The following ABCC12 variants were observed in gnomAD, a reference collection of about 807,000 sequenced individuals.
The protein encoded by ABCC12 is ATP binding cassette subfamily C member 12.
In ABCC12, 142 loss-of-function variants were observed where a neutral mutation model predicts 151.1. That is an observed-to-expected ratio of 0.94 (90% CI 0.82 to 1.08). The LOEUF is 1.08. ABCC12 is among the 50% of genes least tolerant of loss of function. The probability of loss-of-function intolerance (pLI) is 0.00; values close to 1 mark genes in which losing one functional copy is unlikely to be tolerated. For synonymous variants in ABCC12, 645 were observed against 646.4 expected, an observed-to-expected ratio of 1.00 and a Z score of 0.03; for missense variants, 1,638 against 1,691.1, an observed-to-expected ratio of 0.97 and a Z score of 0.55.
intron 20 of ABCC12, among the ~76,000 whole-genome samples, chr16:48,106,413 C>G (rs2150608705): frequency 6.6e-6 from 1 of 152,286 alleles, no homozygotes; most frequent in South Asian, 2.1e-4. Flanking sequence ...GTTCAGCCAC[C>G]ATGGCTGCAT....
intron 29 of ABCC12, among the ~76,000 whole-genome samples, chr16:48,084,473 C>T (rs1371357431): frequency 6.6e-6 from 1 of 152,244 alleles, no homozygotes; most frequent in Non-Finnish European, 1.5e-5. Context: ...AACTTAGAGA[C>T]TCAGTGTAAA....
At chr16:48,145,695 G>C (rs1964975358) in intron 3 of ABCC12, among the ~76,000 whole-genome samples, 2 of 152,246 alleles carry the variant, frequency 1.3e-5, no homozygotes. Flanking sequence ...GGGCTAGCCT[G>C]CTGGAGGTTG....
At chr16:48,088,776 T>C (rs1216392010) in intron 25 of ABCC12, 42 bp from the exon 26 acceptor site, 1 of 1,516,602 alleles carries the variant, frequency 6.6e-7, no homozygotes, top group Admixed American at 2.0e-5. Flanking sequence ...TAGCCATTTG[T>C]TTTTTCACTT....
intron 1 of ABCC12, among the ~76,000 whole-genome samples, 177 bp downstream of exon 1, chr16:48,155,664 C>T (rs1419361407): frequency 6.6e-6 from 1 of 152,202 alleles, no homozygotes; most frequent in Non-Finnish European, 1.5e-5. Context: ...CTGGGAGCCT[C>T]GTCCCTGCTG....
chr16:48,136,250 C>A (rs1268257248), intron 8 of ABCC12, among the ~76,000 whole-genome samples: 1 of 152,184 alleles, frequency 6.6e-6, no homozygotes, highest in Non-Finnish European at 1.5e-5. Flanking sequence ...ACCCTCTTAT[C>A]TCCACCTCCA....
chr16:48,129,419 G>C (rs563991683), intron 10 of ABCC12, among the ~76,000 whole-genome samples: 1 of 152,172 alleles, frequency 6.6e-6, no homozygotes, highest in Non-Finnish European at 1.5e-5. Context: ...GAGAATGACA[G>C]CATTCTACCT....
Position 48,124,214 on chromosome 16 carries a change from T to C in ABCC12, c.1586A>G (p.Gln529Arg). 1 of 1,614,030 alleles carries C rather than the reference T, an allele frequency of 6.2e-7. No individual in the cohort carries two copies. Among genetic ancestry groups the C allele is most frequent in the South Asian group, 1.1e-5 (1 of 91,090 alleles). ...CACAGCACTCATCACACAGCTTACC[T>C]GTCCTAGGAGAGCTGCAAGGAGGGA... Reference protein sequence around the residue: ...KSSLLAALLGQMQLQKGVVAV... With the variant: ...KSSLLAALLGRMQLQKGVVAV... Residue 529 changes from glutamine (Q) to arginine (R), a missense_variant and splice_region_variant, in exon 12 of 31, where the codon CAG (glutamine) becomes CGG (arginine). By Grantham distance (43) the Gln-to-Arg change is conservative (BLOSUM62 1). Transcript: ENST00000311303.
chr16:48,146,162 A>G, intron 3 of ABCC12, 144 bp downstream of exon 3: 1 of 720,040 alleles, frequency 1.4e-6, no homozygotes, highest in Non-Finnish European at 2.4e-6. Context: ...TGACTGATAA[A>G]TGAATGAACG....
chr16:48,107,751 C>T (rs1454113389), intron 19 of ABCC12, among the ~76,000 whole-genome samples: 1 of 152,212 alleles, frequency 6.6e-6, no homozygotes, highest in Non-Finnish European at 1.5e-5. Context: ...CCTGTAATCC[C>T]AGCACTTTGG....
chr16:48,084,205 C>T (rs1267952138), intron 29 of ABCC12, 132 bp from the exon 30 acceptor site: 3 of 917,000 alleles, frequency 3.3e-6, no homozygotes, highest in Non-Finnish European at 4.8e-6. Flanking sequence ...AGCTAAACAT[C>T]CATCTCAAAA....
chr16:48,142,097 C>G (rs893386067), intron 4 of ABCC12, among the ~76,000 whole-genome samples: 1 of 152,106 alleles, frequency 6.6e-6, no homozygotes, highest in Non-Finnish European at 1.5e-5. Flanking sequence ...GGTTCAAGGA[C>G]CGACCCCAGT....
Position 48,083,530 on chromosome 16 carries a change from G to T in ABCC12, c.*185C>A. On this transcript the variant is annotated 3_prime_UTR_variant, in exon 31 of 31. Transcript: ENST00000311303. ...GTTCACCACCCAGAACCAACCCCAA[G>T]CCCACCAAGTGGGGTGACATGGACT... The T allele has an allele frequency of 1.5e-6, 1 of 677,768 alleles. No homozygotes were observed. The highest frequency in any genetic ancestry group is 2.5e-6 in the Non-Finnish European group (1 of 399,090). 42.0% of individuals were successfully genotyped at this position (677,768 alleles called of 1,614,324 possible).
chr16:48,115,690 G>GA, intron 14 of ABCC12, 72 bp from the exon 15 acceptor site: 1 of 1,451,646 alleles, frequency 6.9e-7, no homozygotes, highest in Non-Finnish European at 9.3e-7. Flanking sequence ...AAGCTTCCTG[G>GA]AGCTTCTCAG....
intron 12 of ABCC12, among the ~76,000 whole-genome samples, chr16:48,122,786 A>C (rs1350442957): frequency 6.6e-6 from 1 of 152,238 alleles, no homozygotes; most frequent in Non-Finnish European, 1.5e-5. Flanking sequence ...CCGTGAACTG[A>C]ATTAAATGTA....
intron 25 of ABCC12, among the ~76,000 whole-genome samples, chr16:48,089,014 G>A (rs1268109451): frequency 6.6e-6 from 1 of 152,248 alleles, no homozygotes; most frequent in East Asian, 1.9e-4. Context: ...AAAAGTACTT[G>A]AGGTTTCAGG....
intron 7 of ABCC12, among the ~76,000 whole-genome samples, chr16:48,138,596 AAG>A (rs1964691959): frequency 6.6e-6 from 1 of 152,152 alleles, no homozygotes; most frequent in Non-Finnish European, 1.5e-5. Context: ...CCAGGACTCA[AAG>A]AGAGTGCTGG....
In ABCC12 at chr16:48,141,320, C is replaced by A. The variant is rs757448474; in HGVS notation, c.309G>T (p.Arg103Ser). The A allele has an allele frequency of 3.7e-6, 6 of 1,614,102 alleles. No homozygotes were observed. The highest frequency in any genetic ancestry group is 4.5e-5 in the East Asian group (2 of 44,892). Residue 103 changes from arginine (R) to serine (S), a missense_variant, in exon 5 of 31, where the codon AGG (arginine) becomes AGT (serine). Physicochemically the swap from Arg to Ser is moderately radical, Grantham distance 110. Coordinates refer to ENST00000311303, the MANE Select transcript of ABCC12 (RefSeq NM_001393797.1). ...FRVLWDEEVA[R>S]VGPEKASLSH... ...TCAGAGAGGCCTTCTCAGGACCCAC[C>A]CTTGCTACCTCTTCATCCCAAAGGA...
chr16:48,134,454 A>G (rs1359541809), intron 8 of ABCC12, among the ~76,000 whole-genome samples: 1 of 152,252 alleles, frequency 6.6e-6, no homozygotes, highest in Non-Finnish European at 1.5e-5. Context: ...TTGGTTCCCT[A>G]TAGAAACTAA....
At position 48,121,701 on chromosome 16, in the gene ABCC12, A is replaced by G. The variant is rs766898886; in HGVS notation, c.1712+15T>C. 1.2e-6 allele frequency: 2 copies of G among 1,614,026 alleles called. No individual in the cohort carries two copies. The highest frequency in any genetic ancestry group is 1.6e-4 in the Middle Eastern group (1 of 6,062). On this transcript the variant is annotated intron_variant, in intron 13 of 30. Transcript: ENST00000311303. ...CAAACACAAATGTGCCTCCTGCTTTAAAAGTTAATATTACCTTTGGTGATC... is the reference window on the plus strand; with the variant it reads ...CAAACACAAATGTGCCTCCTGCTTTGAAAGTTAATATTACCTTTGGTGATC...
Sources: gnomAD v4.1 joint callset for allele counts (sites outside exome capture counted in the v4.1 genomes callset) on GRCh38, gnomAD v4.1.1 for gene constraint, MANE v1.5 for transcripts, NCBI Gene and HGNC (gene_info 2026-07-23, HGNC 2026-07-21) for gene names.